The following LMNB2 variants were observed in gnomAD, a reference collection of about 807,000 sequenced individuals.
LMNB2 encodes the protein lamin B2, also known as lamin-B2.
Under a neutral mutation model 69.3 loss-of-function variants are expected in LMNB2, and 17 were observed. The observed-to-expected ratio is 0.25, with a 90% CI of 0.17 to 0.37. LMNB2 has a LOEUF of 0.37. Among genes scored for constraint, LMNB2 ranks in the 10% least tolerant of loss-of-function variants. The pLI is 1.00. For synonymous variants in LMNB2, 397 were observed against 389.3 expected (o/e 1.02, Z -0.23); for missense variants, 789 against 883.6 (o/e 0.89, Z 1.36).
Position 2,435,033 on chromosome 19 carries a change from T to C in LMNB2, c.823A>G (p.Lys275Glu). ...TGGTAGGTCTGCTCCAGCTCCAGCT[T>C]GTAGAGCCGCACTTGCTCGTCGTGC... ...SQHDEQVRLY[K>E]LELEQTYQAK... Residue 275 changes from lysine (K) to glutamate (E), a missense_variant, in exon 5 of 12, where the codon AAG (lysine) becomes GAG (glutamate). Physicochemically the swap from Lys to Glu is moderately conservative, Grantham distance 56 (BLOSUM62 1). Around this residue, in one of 3 missense-constraint regions of LMNB2, gnomAD observed 609 missense variants for 630.9 expected, o/e 0.97. Coordinates refer to ENST00000325327, the MANE Select transcript of LMNB2 (RefSeq NM_032737.4). 1.2e-6 allele frequency: 2 copies of C among 1,609,658 alleles called. No homozygotes were observed. The highest frequency in any genetic ancestry group is 1.7e-6 in the Non-Finnish European group (2 of 1,179,450).
chr19:2,456,389 A>C (rs1972089365), intron 1 of LMNB2, among the ~76,000 whole-genome samples: 1 of 129,248 alleles, frequency 7.7e-6, no homozygotes, highest in African/African-American at 3.0e-5. Context: ...GCCGAACTGC[A>C]CCGCTCACTC....
rs1356746224 is a variant in LMNB2, at chr19:2,429,765, C to T, written c.*1146G>A. On this transcript the variant is annotated 3_prime_UTR_variant, in exon 12 of 12. Coordinates refer to ENST00000325327, the MANE Select transcript of LMNB2 (RefSeq NM_032737.4). ...GTGAGCTCCTGACCTGTGTACTGACCAATGTAAAAAAATAAATATCCATTA... is the reference window on the plus strand; with the variant it reads ...GTGAGCTCCTGACCTGTGTACTGACTAATGTAAAAAAATAAATATCCATTA... 2 of 152,036 alleles carry T rather than the reference C, an allele frequency of 1.3e-5. No individual in the cohort carries two copies. The highest frequency in any genetic ancestry group is 2.9e-5 in the Non-Finnish European group (2 of 68,006). The allele number at this position is 152,036 out of a possible 1,614,324, so 9.4% of individuals were successfully genotyped here.
chr19:2,431,517 C>A (rs1423302788), intron 11 of LMNB2, 31 bp downstream of exon 11: 2 of 1,613,802 alleles, frequency 1.2e-6, no homozygotes, highest in Admixed American at 3.3e-5. Context: ...AGAGGCTGCC[C>A]CCCAGCCGCA....
At position 2,428,294 on chromosome 19, in the gene LMNB2, G is replaced by C. The variant is rs1369849816; in HGVS notation, c.*2617C>G. 1 of 152,226 alleles carries C rather than the reference G, an allele frequency of 6.6e-6. No individual in the cohort carries two copies. The allele number at this position is 152,226 out of a possible 1,614,324, so 9.4% of individuals were successfully genotyped here. The stretch of plus-strand genomic sequence containing the variant: ...TTCTTAAAAACCGAATCTCTGAAAT[G>C]AAAGTCCATGCCAGCCCCAGCTGCA... On this transcript the variant is annotated 3_prime_UTR_variant, in exon 12 of 12. Transcript: ENST00000325327.
chr19:2,451,555 G>A (rs1046139436), intron 1 of LMNB2, among the ~76,000 whole-genome samples: 10 of 152,232 alleles, frequency 6.6e-5, no homozygotes, highest in South Asian at 2.1e-4. Flanking sequence ...GTGTGCCGGG[G>A]CAGGACGGCC....
At chr19:2,434,583 C>G in intron 6 of LMNB2, 68 bp from the exon 7 acceptor site, 1 of 1,557,804 alleles carries the variant, frequency 6.4e-7, no homozygotes, top group Non-Finnish European at 8.7e-7. Flanking sequence ...GATCCTGGGA[C>G]TGCGGGAGAT....
At chr19:2,437,692 C>T (rs1042034336) in intron 4 of LMNB2, among the ~76,000 whole-genome samples, 4 of 151,550 alleles carry the variant, frequency 2.6e-5, no homozygotes, top group African/African-American at 2.4e-5. Flanking sequence ...TCCAGCTACT[C>T]GGGAGGCTGA....
chr19:2,437,538 C>T (rs943792647), intron 4 of LMNB2, among the ~76,000 whole-genome samples: 8 of 152,210 alleles, frequency 5.3e-5, no homozygotes, highest in Non-Finnish European at 4.4e-5. Flanking sequence ...TGGTGACTCA[C>T]GCCTGGAATC....
At chr19:2,431,510 G>A (rs375745945) in intron 11 of LMNB2, 38 bp downstream of exon 11, 25 of 1,613,474 alleles carry the variant, frequency 1.5e-5, no homozygotes, top group Non-Finnish European at 1.9e-5. Flanking sequence ...CTGCCCCAGA[G>A]GCTGCCCCCC....
Position 2,447,062 on chromosome 19 carries a change from T to A in LMNB2, c.265-2522A>T, listed in dbSNP as rs1222299782. On this transcript the variant is annotated intron_variant, in intron 1 of 11. Transcript: ENST00000325327. The surrounding 1 kb of genome is among the most constrained non-coding windows in gnomAD (Gnocchi z 4.4). ...GGGAGGCTGAGGCAGGAGAATGGCA[T>A]GAACCCGGGAGGTGGAACTTGCAGT... 6.8e-6 allele frequency among the ~76,000 whole-genome samples: 1 copy of A among 147,274 alleles called. No homozygotes were observed. The highest frequency in any genetic ancestry group is 2.5e-5 in the African/African-American group (1 of 39,320).
chr19:2,446,957 A>C (rs1233162690), intron 1 of LMNB2, among the ~76,000 whole-genome samples: 1 of 151,974 alleles, frequency 6.6e-6, no homozygotes, highest in Non-Finnish European at 1.5e-5. Context: ...TGGCTAACAC[A>C]GTGAAACCCC....
chr19:2,439,351 C>G (rs1266005987), intron 2 of LMNB2, among the ~76,000 whole-genome samples: 13 of 151,972 alleles, frequency 8.6e-5, no homozygotes, highest in Admixed American at 8.5e-4. Flanking sequence ...ACCCAGGGTT[C>G]TGCAGCGTCA....
intron 1 of LMNB2, among the ~76,000 whole-genome samples, chr19:2,450,904 A>AT (rs1427166249): frequency 6.7e-6 from 1 of 148,690 alleles, no homozygotes. Flanking sequence ...TGCTGGGATT[A>AT]TAGGTGTGAG....
intron 4 of LMNB2, among the ~76,000 whole-genome samples, chr19:2,436,336 C>T (rs896750966): frequency 3.3e-4 from 50 of 151,716 alleles, no homozygotes; most frequent in African/African-American, 1.0e-3. Flanking sequence ...CCCAGCTACT[C>T]GGGAGGCTGG....
At position 2,429,303 on chromosome 19, in the gene LMNB2, G is replaced by C. The variant is rs1171277367; in HGVS notation, c.*1608C>G. 6.6e-6 allele frequency: 1 copy of C among 152,268 alleles called. No individual in the cohort carries two copies. The highest frequency in any genetic ancestry group is 1.5e-5 in the Non-Finnish European group (1 of 68,062). 9.4% of individuals were successfully genotyped at this position (152,268 alleles called of 1,614,324 possible). On this transcript the variant is annotated 3_prime_UTR_variant, in exon 12 of 12. Coordinates refer to ENST00000325327, the MANE Select transcript of LMNB2 (RefSeq NM_032737.4). ...GCTGGCAGAGGGTATCCCCGGGGCA[G>C]GCAAAGCTCCCTACCAGCCGCCTGA... is the stretch of plus-strand genomic sequence containing the variant.
At chr19:2,450,291 G>C (rs913329387) in intron 1 of LMNB2, among the ~76,000 whole-genome samples, 3 of 152,056 alleles carry the variant, frequency 2.0e-5, no homozygotes, top group African/African-American at 7.2e-5. Context: ...TATCAGCCTG[G>C]AGGAGCCTGG....
chr19:2,452,146 G>A (rs1022686046), intron 1 of LMNB2, among the ~76,000 whole-genome samples: 4 of 151,442 alleles, frequency 2.6e-5, no homozygotes, highest in Non-Finnish European at 2.9e-5. Flanking sequence ...GCCCTCCAAC[G>A]ATGCTTGTAT....
At chr19:2,450,111 T>TACATATAC (rs775769718) in intron 1 of LMNB2, among the ~76,000 whole-genome samples, 77 of 147,194 alleles carry the variant, frequency 5.2e-4, no homozygotes, top group South Asian at 3.0e-3. Flanking sequence ...CATATACATA[T>TACATATAC]ATATATACAC....
intron 1 of LMNB2, among the ~76,000 whole-genome samples, chr19:2,450,133 T>A (rs182331040): frequency 2.6e-5 from 4 of 151,498 alleles, no homozygotes; most frequent in Admixed American, 2.6e-4. Context: ...TATATATATA[T>A]ATTCCATTAA....
Sources: allele counts gnomAD v4.1 joint callset (sites outside exome capture counted in the v4.1 genomes callset), GRCh38; gene constraint gnomAD v4.1.1; regional missense constraint gnomAD v4.1.1; non-coding constraint Gnocchi (gnomAD v3.1); transcripts MANE v1.5; gene names NCBI Gene and HGNC (gene_info 2026-07-23, HGNC 2026-07-21).